Variants in MYO3B observed in about 807,000 individuals in gnomAD.
MYO3B encodes the protein myosin-IIIb.
Under a neutral mutation model 174.6 loss-of-function variants are expected in MYO3B, and 156 were observed. That is an observed-to-expected ratio of 0.89 (90% CI 0.78 to 1.02). The LOEUF is 1.02. Ranked by LOEUF, MYO3B falls within the 50% of genes least tolerant of loss-of-function variation. The pLI is 0.00. For missense variants in MYO3B, 1,632 were observed against 1,639.4 expected (o/e 1.00, Z 0.08); for synonymous variants, 563 against 569.1 (o/e 0.99, Z 0.15).
intron 7 of MYO3B, among the ~76,000 whole-genome samples, chr2:170,276,219 C>A (rs867318385): frequency 1.3e-5 from 2 of 152,134 alleles, no homozygotes; most frequent in Non-Finnish European, 2.9e-5. Flanking sequence ...GGGTCCAAGT[C>A]CTAAGTGAAT....
intron 30 of MYO3B, among the ~76,000 whole-genome samples, chr2:170,520,478 C>CAT (rs576476348): frequency 1.1e-3 from 172 of 151,198 alleles, no homozygotes; most frequent in African/African-American, 3.7e-3. Flanking sequence ...TATATATACA[C>CAT]ATATATATAT....
rs759563311 is a variant in MYO3B at position 170,391,524 on chromosome 2, G to C, written c.1582G>C (p.Glu528Gln). The C allele has an allele frequency of 2.1e-6, 3 of 1,448,612 alleles. No individual in the cohort carries two copies. In the South Asian group the frequency reaches 4.0e-5, roughly 19 times the overall value. 89.7% of individuals were successfully genotyped at this position (1,448,612 alleles called of 1,614,324 possible). The change falls in exon 15 of 35, where the codon GAG (glutamate) becomes CAG (glutamine). Residue 528 changes from glutamate to glutamine, a missense_variant. Glu to Gln is a conservative substitution (Grantham distance 29). Coordinates refer to ENST00000408978, the MANE Select transcript of MYO3B (RefSeq NM_138995.5). ...TAAAGTCTCTTTTTTTTTCAGGAGA[G>C]AGAAAAATTTTCATATATTTTACTA... ...KSRVIKQAAR[E>Q]KNFHIFYYIY...
intron 23 of MYO3B, among the ~76,000 whole-genome samples, chr2:170,461,690 T>C (rs1425279859): frequency 2.0e-5 from 3 of 151,220 alleles, no homozygotes; most frequent in Non-Finnish European, 4.4e-5. Context: ...GCAGGAGAAT[T>C]GCTTGAATCT....
intron 7 of MYO3B, among the ~76,000 whole-genome samples, chr2:170,258,391 G>A (rs2093320906): frequency 6.6e-6 from 1 of 152,152 alleles, no homozygotes; most frequent in African/African-American, 2.4e-5. Context: ...TTCCTGAGAT[G>A]CAAGGTGGGT....
At chr2:170,614,552 T>C (rs561281559) in intron 32 of MYO3B, among the ~76,000 whole-genome samples, 1 of 152,346 alleles carries the variant, frequency 6.6e-6, no homozygotes, top group South Asian at 2.1e-4. Context: ...TCCTCTTTGC[T>C]GTGCTCTTAA....
chr2:170,195,646 G>A (rs1013703348), intron 1 of MYO3B, among the ~76,000 whole-genome samples: 1 of 152,150 alleles, frequency 6.6e-6, no homozygotes. Flanking sequence ...AAATCTAAAA[G>A]AATGCACTGT....
At chr2:170,188,320 A>C (rs185549014) in intron 1 of MYO3B, among the ~76,000 whole-genome samples, 5 of 152,184 alleles carry the variant, frequency 3.3e-5, no homozygotes, top group Admixed American at 6.5e-5. Flanking sequence ...TTTTCCATCC[A>C]AATAGAATCC....
chr2:170,318,228 A>G (rs771598694), intron 7 of MYO3B, among the ~76,000 whole-genome samples: 25 of 152,208 alleles, frequency 1.6e-4, no homozygotes, highest in African/African-American at 2.7e-4. Context: ...TGGACAGTTT[A>G]TATTCATCTT....
intron 23 of MYO3B, among the ~76,000 whole-genome samples, chr2:170,453,147 G>A (rs1220792707): frequency 6.6e-6 from 1 of 152,084 alleles, no homozygotes; most frequent in Non-Finnish European, 1.5e-5. Context: ...AAAACAACAT[G>A]AGAAACTTCA....
intron 21 of MYO3B, among the ~76,000 whole-genome samples, chr2:170,406,226 A>G (rs1415234332): frequency 6.6e-6 from 1 of 152,134 alleles, no homozygotes; most frequent in African/African-American, 2.4e-5. Context: ...TTCCTTGCTT[A>G]TGTTACTCCC....
intron 25 of MYO3B, among the ~76,000 whole-genome samples, chr2:170,485,753 G>T (rs1330771799): frequency 2.0e-5 from 3 of 152,194 alleles, no homozygotes; most frequent in African/African-American, 7.2e-5. Flanking sequence ...AAGAGAAAAT[G>T]ATGTGCTCCA....
At chr2:170,306,942 G>T (rs1405347656) in intron 7 of MYO3B, among the ~76,000 whole-genome samples, 23 of 152,092 alleles carry the variant, frequency 1.5e-4, no homozygotes. Context: ...ATGTTCTCAG[G>T]CATATGGAAA....
chr2:170,179,449 T>C (rs2092370651), intron 1 of MYO3B, among the ~76,000 whole-genome samples: 1 of 152,182 alleles, frequency 6.6e-6, no homozygotes, highest in Non-Finnish European at 1.5e-5. Flanking sequence ...TTAATTGCCA[T>C]TGTGAGAAGA....
At chr2:170,266,144 T>C (rs2093381558) in intron 7 of MYO3B, among the ~76,000 whole-genome samples, 1 of 152,126 alleles carries the variant, frequency 6.6e-6, no homozygotes, top group Non-Finnish European at 1.5e-5. Flanking sequence ...TTTTTCAGTG[T>C]AGATTGACAT....
At chr2:170,501,755 C>G in intron 27 of MYO3B, 30 bp from the exon 28 acceptor site, 1 of 1,472,408 alleles carries the variant, frequency 6.8e-7, no homozygotes. Context: ...AAATTAATGT[C>G]ATTCCTAGCA....
chr2:170,328,499 G>A (rs1247628350), intron 7 of MYO3B, among the ~76,000 whole-genome samples: 1 of 151,818 alleles, frequency 6.6e-6, no homozygotes, highest in Non-Finnish European at 1.5e-5. Flanking sequence ...GCCACCCCCA[G>A]AAGATGCGGC....
intron 1 of MYO3B, chr2:170,180,086 T>G: frequency 2.8e-6 from 1 of 353,986 alleles, no homozygotes; most frequent in Middle Eastern, 3.7e-4. Context: ...TATAAAATGT[T>G]GCTGGGCAAG....
intron 22 of MYO3B, among the ~76,000 whole-genome samples, chr2:170,426,339 T>C (rs1051187190): frequency 6.1e-5 from 8 of 131,562 alleles, no homozygotes; most frequent in East Asian, 4.3e-4. Flanking sequence ...ACCTCATCGC[T>C]TTTTTTTTTT....
At chr2:170,467,170 G>T (rs945173492) in intron 25 of MYO3B, among the ~76,000 whole-genome samples, 6 of 152,098 alleles carry the variant, frequency 3.9e-5, no homozygotes, top group Non-Finnish European at 8.8e-5. Context: ...TATCTCATTT[G>T]ATCCATAGAA....
Sources: allele counts gnomAD v4.1 joint callset (sites outside exome capture counted in the v4.1 genomes callset), GRCh38; gene constraint gnomAD v4.1.1; transcripts MANE v1.5; gene names NCBI Gene and HGNC (gene_info 2026-07-23, HGNC 2026-07-21).